The following SASH1 variants were observed in gnomAD, a reference collection of about 807,000 sequenced individuals.
SASH1 encodes SAM and SH3 domain-containing protein 1.
A neutral mutation model predicts 125.2 loss-of-function variants in SASH1; 44 were observed. The ratio of observed to expected loss-of-function variants is 0.35; its 90% CI spans 0.28 to 0.45. The LOEUF is 0.45. SASH1 is among the 20% of genes least tolerant of loss of function. SASH1 has a pLI of 1.00. For synonymous variants in SASH1, 639 were observed against 649.1 expected (o/e 0.98, Z 0.24); for missense variants, 1,426 against 1,614.5 (o/e 0.88, Z 2.00).
Position 148,533,045 on chromosome 6 carries a change from G to T in SASH1, c.1734+79G>T, listed in dbSNP as rs1005287526. 4 of 1,456,280 alleles carry T rather than the reference G, an allele frequency of 2.7e-6. No individual in the cohort carries two copies. In the Admixed American group the frequency reaches 6.8e-5, roughly 25 times the overall value. The allele number at this position is 1,456,280 out of a possible 1,614,324, so 90.2% of individuals were successfully genotyped here. On this transcript the variant is annotated intron_variant, in intron 14 of 19. Transcript: ENST00000367467. The surrounding 1 kb of genome is among the most constrained non-coding windows in gnomAD (Gnocchi z 6.2). ...GAGGCTTTCTTTCCTCCTCACTGTT[G>T]AATGCTGGGCTACTATGGTACAGAC...
intron 15 of SASH1, among the ~76,000 whole-genome samples, chr6:148,534,243 A>C (rs748861990): frequency 1.5e-4 from 23 of 152,228 alleles, no homozygotes; most frequent in Non-Finnish European, 3.1e-4. Flanking sequence ...CTGTAGGCAG[A>C]AACTCCTGGC....
the SASH1 span, among the ~76,000 whole-genome samples, chr6:148,212,255 G>A: frequency 1.1e-4 from 16 of 152,280 alleles, no homozygotes; most frequent in Non-Finnish European, 1.5e-5. Context: ...GCAGGACACT[G>A]TGCAAAATGA....
Position 148,474,124 on chromosome 6 carries a change from T to C in SASH1, c.529T>C (p.Tyr177His). The change falls in exon 7 of 20, where the codon TAT becomes CAT. Residue 177 changes from tyrosine (Y) to histidine (H), a missense_variant. This residue lies in a region of SASH1 where 567 missense variants were observed against 575.6 expected (regional missense o/e 0.99). Transcript: ENST00000367467. Reference sequence around the variant, plus strand: ...TCAATCTCCAGGAGAAGACGTTGGTTATGTTGCCAGTGAAATAACGATGAG... The same window carrying C: ...TCAATCTCCAGGAGAAGACGTTGGTCATGTTGCCAGTGAAATAACGATGAG... ...RQTSKGEDVG[Y>H]VASEITMSDE... is the part of the protein sequence containing the mutation. The C allele has an allele frequency of 6.2e-7, 1 of 1,610,688 alleles. No homozygotes were observed. The highest frequency in any genetic ancestry group is 1.1e-5 in the South Asian group (1 of 90,160).
chr6:148,527,747 T>C lies in SASH1; in HGVS notation c.1428+151T>C, dbSNP rs991761289. 86 of 753,278 alleles carry C rather than the reference T, an allele frequency of 1.1e-4. 1 individual carries two copies. The South Asian group carries it at 1.3e-3, about 11-fold the overall frequency. The allele number at this position is 753,278 out of a possible 1,614,324, so 46.7% of individuals were successfully genotyped here. A position where few individuals can be genotyped will look rare whatever the true frequency, so the allele number is the denominator to read the frequency against. ...GTGCTTTATTTACGTAGAGAAACAC[T>C]GAATTCAACACACGTTTATTAAGCA... On this transcript the variant is annotated intron_variant, in intron 12 of 19. Coordinates refer to ENST00000367467, the MANE Select transcript of SASH1 (RefSeq NM_015278.5).
intron 1 of SASH1, chr6:148,280,201 A>G (rs1323515540): frequency 6.6e-6 from 1 of 151,586 alleles, no homozygotes; most frequent in Admixed American, 6.6e-5. Context: ...ACACCCTCCC[A>G]TGAAGCACTT....
intron 2 of SASH1, among the ~76,000 whole-genome samples, chr6:148,398,330 A>G (rs1784037451): frequency 1.3e-5 from 2 of 152,214 alleles, no homozygotes; most frequent in African/African-American, 4.8e-5. Context: ...CTTCACGCAG[A>G]CATGCGCACA....
chr6:148,515,746 C>A (rs1780400622), intron 9 of SASH1, among the ~76,000 whole-genome samples: 1 of 152,164 alleles, frequency 6.6e-6, no homozygotes, highest in Non-Finnish European at 1.5e-5. Flanking sequence ...GCGGCCCTTA[C>A]CGAAATCACA....
chr6:148,404,510 G>A (rs1202505812), intron 2 of SASH1, among the ~76,000 whole-genome samples: 1 of 151,810 alleles, frequency 6.6e-6, no homozygotes, highest in Admixed American at 6.6e-5. Context: ...AAATGTGCTT[G>A]GCACTTCAGT....
At chr6:148,338,471 T>C (rs1299627894), upstream of SASH1, among the ~76,000 whole-genome samples, 2 of 151,968 alleles carry the variant, frequency 1.3e-5, no homozygotes, top group African/African-American at 4.8e-5. Flanking sequence ...TTGTTCTTAC[T>C]TTGATTCTGC....
At chr6:148,446,621 G>A (rs1776806748) in intron 4 of SASH1, among the ~76,000 whole-genome samples, 1 of 152,132 alleles carries the variant, frequency 6.6e-6, no homozygotes, top group South Asian at 2.1e-4. Flanking sequence ...TTTGTAATAT[G>A]TTTATGGAGG....
At chr6:148,354,145 A>G (rs1490783615) in intron 1 of SASH1, among the ~76,000 whole-genome samples, 1 of 152,210 alleles carries the variant, frequency 6.6e-6, no homozygotes, top group African/African-American at 2.4e-5. Flanking sequence ...AGCCTGGGTG[A>G]TGGAGCAAGA....
intron 2 of SASH1, among the ~76,000 whole-genome samples, chr6:148,409,129 C>T (rs968254627): frequency 2.0e-5 from 3 of 152,150 alleles, no homozygotes; most frequent in Non-Finnish European, 2.9e-5. Context: ...CGTGTCTGTG[C>T]TTTCCTACCA....
the SASH1 span, among the ~76,000 whole-genome samples, chr6:148,252,749 G>A: frequency 2.6e-5 from 4 of 152,288 alleles, no homozygotes; most frequent in Admixed American, 2.6e-4. Flanking sequence ...AAAGTGCTGG[G>A]ATTACAGCCA....
intron 2 of SASH1, among the ~76,000 whole-genome samples, chr6:148,438,917 C>T (rs539548599): frequency 2.0e-5 from 3 of 152,080 alleles, no homozygotes; most frequent in Non-Finnish European, 4.4e-5. Context: ...ACTCTATATT[C>T]GTGCTGGATT....
intron 1 of SASH1, among the ~76,000 whole-genome samples, chr6:148,307,028 C>CTTTCTTTCTTTCTTTCTT (rs1780147302): frequency 5.5e-5 from 1 of 18,182 alleles, no homozygotes; most frequent in African/African-American, 2.5e-4. Context: ...TCTTTCTTTT[C>CTTTCTTTCTTTCTTTCTT]TTTCTTTCTT....
intron 17 of SASH1, 147 bp from the exon 18 acceptor site, chr6:148,543,533 G>A (rs981294841): frequency 3.2e-6 from 2 of 617,062 alleles, no homozygotes; most frequent in African/African-American, 3.7e-5. Flanking sequence ...ATCACCCGAT[G>A]TCATAAATGG....
intron 2 of SASH1, among the ~76,000 whole-genome samples, chr6:148,419,889 C>A (rs1370736767): frequency 6.6e-6 from 1 of 152,064 alleles, no homozygotes; most frequent in Admixed American, 6.6e-5. Flanking sequence ...TAAGAGACAA[C>A]AAGAAAATAC....
In SASH1 at chr6:148,523,165, G is replaced by C. The variant is rs143470001; in HGVS notation, c.1210-2126G>C. Among the ~76,000 whole-genome samples, 131 of 152,290 alleles carry C rather than the reference G, an allele frequency of 8.6e-4. 1 individual carries two copies. Among genetic ancestry groups the C allele is most frequent in the African/African-American group, 3.1e-3 (129 of 41,562 alleles). On this transcript the variant is annotated intron_variant, in intron 10 of 19. Transcript: ENST00000367467. ...ATTTCATATGTATCAGAAATAACTTGGGCTCCAACATTGCAGTAGATGCTG... is the reference window on the plus strand; with the variant it reads ...ATTTCATATGTATCAGAAATAACTTCGGCTCCAACATTGCAGTAGATGCTG...
chr6:148,297,920 A>G (rs1465508386), intron 1 of SASH1, among the ~76,000 whole-genome samples: 2 of 152,194 alleles, frequency 1.3e-5, no homozygotes, highest in Non-Finnish European at 1.5e-5. Context: ...AAATTAGTAC[A>G]TGGCTATAAT....
Sources: allele counts gnomAD v4.1 joint callset (sites outside exome capture counted in the v4.1 genomes callset), GRCh38; gene constraint gnomAD v4.1.1; regional missense constraint gnomAD v4.1.1; non-coding constraint Gnocchi (gnomAD v3.1); transcripts MANE v1.5; gene names NCBI Gene and HGNC (gene_info 2026-07-23, HGNC 2026-07-21).